Variants in WWOX observed in about 807,000 individuals in gnomAD.
WWOX encodes the protein WW domain-containing oxidoreductase.
In WWOX, 69 loss-of-function variants were observed where a neutral mutation model predicts 46.2. That is an observed-to-expected ratio of 1.49 (90% CI 1.23 to 1.82). The LOEUF (loss-of-function observed/expected upper bound fraction) is 1.82. Ranked by LOEUF, WWOX falls within the 40% of genes most tolerant of loss-of-function variation. The pLI is 0.00. For missense variants in WWOX, 919 were observed against 542.6 expected, an observed-to-expected ratio of 1.69 and a Z score of -6.89; for synonymous variants, 359 against 202.6, an observed-to-expected ratio of 1.77 and a Z score of -6.56.
At chr16:78,738,232 T>C (rs2049134577) in intron 8 of WWOX, among the ~76,000 whole-genome samples, 1 of 152,216 alleles carries the variant, frequency 6.6e-6, no homozygotes, top group African/African-American at 2.4e-5. Context: ...TTTCAGTAGC[T>C]GCTGGAGTTG....
At chr16:78,825,578 C>T in intron 8 of WWOX, 1 of 533,592 alleles carries the variant, frequency 1.9e-6, no homozygotes, top group Admixed American at 1.9e-5. Flanking sequence ...TGCCATTGCC[C>T]AGGTCGAGTC....
At chr16:78,963,298 A>C (rs947921395) in intron 8 of WWOX, among the ~76,000 whole-genome samples, 1 of 151,534 alleles carries the variant, frequency 6.6e-6, no homozygotes, top group Non-Finnish European at 1.5e-5. Flanking sequence ...GTGAGGCCTT[A>C]TCTCTTCAAA....
chr16:78,328,848 T>C (rs2080693643), intron 5 of WWOX, among the ~76,000 whole-genome samples: 1 of 149,588 alleles, frequency 6.7e-6, no homozygotes, highest in East Asian at 1.9e-4. Flanking sequence ...TTTTCTTTTG[T>C]TTTCTTTTCT....
At chr16:78,384,333 G>A (rs1253056537) in intron 5 of WWOX, among the ~76,000 whole-genome samples, 1 of 152,132 alleles carries the variant, frequency 6.6e-6, no homozygotes, top group Non-Finnish European at 1.5e-5. Context: ...TTAGGATGAG[G>A]ATGAAAGGTC....
chr16:78,654,637 T>TC (rs2047040443), intron 8 of WWOX, among the ~76,000 whole-genome samples: 3 of 149,020 alleles, frequency 2.0e-5, no homozygotes, highest in Non-Finnish European at 4.5e-5. Context: ...ATCTATACCT[T>TC]TCTCTCTCTC....
intron 4 of WWOX, among the ~76,000 whole-genome samples, chr16:78,155,923 GATATGGTTTAC>G (rs2034581908): frequency 6.6e-6 from 1 of 152,172 alleles, no homozygotes; most frequent in Non-Finnish European, 1.5e-5. Flanking sequence ...ACACTCTAGA[GATATGGTTTAC>G]TATAAAAGTG....
At chr16:78,586,918 T>G (rs1260269860) in intron 8 of WWOX, among the ~76,000 whole-genome samples, 1 of 152,184 alleles carries the variant, frequency 6.6e-6, no homozygotes, top group African/African-American at 2.4e-5. Context: ...GAAAAATCCC[T>G]TCTCCCACTT....
intron 8 of WWOX, among the ~76,000 whole-genome samples, chr16:78,978,514 C>G (rs745633550): frequency 2.6e-5 from 4 of 152,168 alleles, no homozygotes; most frequent in Non-Finnish European, 5.9e-5. Flanking sequence ...TATTCTGGCA[C>G]TGCTATAAAG....
intron 8 of WWOX, among the ~76,000 whole-genome samples, chr16:78,756,082 T>C (rs773761164): frequency 4.6e-5 from 7 of 152,100 alleles, no homozygotes; most frequent in Non-Finnish European, 8.8e-5. Context: ...TTCAGTCTTT[T>C]ATTTGAAAAA....
chr16:78,417,479 C>A (rs1481857471), intron 6 of WWOX, among the ~76,000 whole-genome samples: 1 of 151,938 alleles, frequency 6.6e-6, no homozygotes, highest in Non-Finnish European at 1.5e-5. Flanking sequence ...ACAAAAAGCT[C>A]TTAAAAAGTG....
intron 8 of WWOX, among the ~76,000 whole-genome samples, chr16:79,178,852 A>G (rs372235901): frequency 1.2e-4 from 19 of 152,242 alleles, no homozygotes; most frequent in East Asian, 3.9e-4. Context: ...TTTGTTTAAT[A>G]TATCTTGAAG....
chr16:78,717,500 G>A (rs1439854635), intron 8 of WWOX, among the ~76,000 whole-genome samples: 1 of 152,184 alleles, frequency 6.6e-6, no homozygotes, highest in Non-Finnish European at 1.5e-5. Flanking sequence ...TGTGTATTAA[G>A]TATATGAACT....
rs771646444 is a variant in WWOX, at chr16:78,173,849, C to T, written c.516+9560C>T. On this transcript the variant is annotated intron_variant, in intron 5 of 8. Transcript: ENST00000566780. Reference sequence around the variant, plus strand: ...TCTTACAGTTCTAGAGGCTGGAAGTCCGAGACGAGGGTGCCAACCTTGTTG... The same window carrying T: ...TCTTACAGTTCTAGAGGCTGGAAGTTCGAGACGAGGGTGCCAACCTTGTTG... Among the ~76,000 whole-genome samples, 21 of 152,248 alleles carry T rather than the reference C, an allele frequency of 1.4e-4. 1 individual carries two copies. The highest frequency in any genetic ancestry group is 2.5e-4 in the Non-Finnish European group (17 of 68,014).
intron 8 of WWOX, among the ~76,000 whole-genome samples, chr16:78,699,988 G>T (rs959684608): frequency 6.6e-6 from 1 of 152,064 alleles, no homozygotes; most frequent in African/African-American, 2.4e-5. Context: ...GGGAGGGGAG[G>T]TGGCTGGGGA....
chr16:78,739,184 G>A (rs9921502), intron 8 of WWOX, among the ~76,000 whole-genome samples: 3 of 151,908 alleles, frequency 2.0e-5, no homozygotes, highest in African/African-American at 7.3e-5. Flanking sequence ...CTTTTCCCCT[G>A]GATTCTTAAG....
intron 5 of WWOX, among the ~76,000 whole-genome samples, chr16:78,342,743 A>T (rs539081288): frequency 8.3e-6 from 1 of 120,464 alleles, no homozygotes; most frequent in South Asian, 2.5e-4. Flanking sequence ...TACTCCCAAA[A>T]ATTGCAGGTT....
chr16:78,627,016 T>A (rs934856588), intron 8 of WWOX, among the ~76,000 whole-genome samples: 4 of 152,176 alleles, frequency 2.6e-5, no homozygotes, highest in African/African-American at 9.7e-5. Context: ...TCTTTTTTGC[T>A]TTTTGTGCCT....
At chr16:78,277,577 G>A (rs2079602527) in intron 5 of WWOX, among the ~76,000 whole-genome samples, 1 of 152,180 alleles carries the variant, frequency 6.6e-6, no homozygotes, top group Non-Finnish European at 1.5e-5. Context: ...GGGGAACCTG[G>A]CCCAATCTGC....
At chr16:78,399,899 C>T (rs1056815671) in intron 6 of WWOX, among the ~76,000 whole-genome samples, 3 of 152,182 alleles carry the variant, frequency 2.0e-5, no homozygotes, top group East Asian at 1.9e-4. Context: ...TAATTCTTGT[C>T]AGCCTAAAAA....
Sources: gnomAD v4.1 joint callset for allele counts (sites outside exome capture counted in the v4.1 genomes callset) on GRCh38, gnomAD v4.1.1 for gene constraint, MANE v1.5 for transcripts, NCBI Gene and HGNC (gene_info 2026-07-23, HGNC 2026-07-21) for gene names.